Variants in NTM observed in about 807,000 individuals in gnomAD.
The protein encoded by NTM is neurotrimin, also known as IgLON family member 2.
In NTM, 13 loss-of-function variants were observed where a neutral mutation model predicts 42.1. That is an observed-to-expected ratio of 0.31 (90% CI 0.20 to 0.49). The LOEUF is 0.49. NTM is among the 20% of genes least tolerant of loss of function. NTM has a pLI of 0.99. For missense variants in NTM, 373 were observed against 452.8 expected, an observed-to-expected ratio of 0.82 and a Z score of 1.60; for synonymous variants, 187 against 179.2, an observed-to-expected ratio of 1.04 and a Z score of -0.35.
chr11:131,383,004 A>T (rs117075785), intron 1 of NTM, among the ~76,000 whole-genome samples: 270 of 152,212 alleles, frequency 1.8e-3, no homozygotes, highest in Admixed American at 2.0e-3. Flanking sequence ...GACCTTGCCT[A>T]TCCTTGCTCA....
intron 2 of NTM, among the ~76,000 whole-genome samples, chr11:132,085,178 A>C (rs539587231): frequency 4.6e-5 from 7 of 152,332 alleles, no homozygotes; most frequent in Non-Finnish European, 8.8e-5. Context: ...GTACATTTTC[A>C]TGCCTTCTTA....
chr11:132,198,115 A>C (rs1016563730), intron 3 of NTM, among the ~76,000 whole-genome samples: 2 of 152,226 alleles, frequency 1.3e-5, no homozygotes. Flanking sequence ...GATCCCACCA[A>C]CAGTGTAAAA....
At chr11:131,755,446 C>T (rs147605153) in intron 1 of NTM, among the ~76,000 whole-genome samples, 6 of 152,092 alleles carry the variant, frequency 3.9e-5, no homozygotes, top group Non-Finnish European at 7.4e-5. Context: ...ACAGATGGAC[C>T]GCATGCAGGG....
chr11:132,220,830 C>A (rs897698143), intron 4 of NTM, among the ~76,000 whole-genome samples: 1 of 152,184 alleles, frequency 6.6e-6, no homozygotes, highest in African/African-American at 2.4e-5. Context: ...CCCACAGAAG[C>A]CAACCAGCCA....
At chr11:132,225,708 A>G (rs2086104894) in intron 4 of NTM, among the ~76,000 whole-genome samples, 1 of 152,122 alleles carries the variant, frequency 6.6e-6, no homozygotes. Context: ...TACCTTTTTT[A>G]TTTAAATTTA....
intron 7 of NTM, among the ~76,000 whole-genome samples, chr11:132,328,180 G>C (rs1340823387): frequency 6.6e-6 from 1 of 152,122 alleles, no homozygotes; most frequent in Non-Finnish European, 1.5e-5. Context: ...CCAAAGCAAG[G>C]GGGGTGGACT....
chr11:131,828,975 CCTCT>C (rs968312954), intron 1 of NTM, among the ~76,000 whole-genome samples: 3 of 149,170 alleles, frequency 2.0e-5, no homozygotes, highest in Admixed American at 6.7e-5. Context: ...CATCACTCTC[CCTCT>C]CTCTCTCTCT....
chr11:131,669,915 A>G (rs965228564), intron 1 of NTM, among the ~76,000 whole-genome samples: 4 of 152,174 alleles, frequency 2.6e-5, no homozygotes, highest in Admixed American at 2.0e-4. Flanking sequence ...CGGATAAGTC[A>G]TTTGCTGAAG....
chr11:131,674,493 T>G (rs535005866), intron 1 of NTM, among the ~76,000 whole-genome samples: 4 of 152,218 alleles, frequency 2.6e-5, no homozygotes, highest in Admixed American at 6.5e-5. Context: ...GCTGGGATGC[T>G]CTGGCCTTGA....
At chr11:132,297,702 C>T (rs906182018) in intron 4 of NTM, among the ~76,000 whole-genome samples, 4 of 152,078 alleles carry the variant, frequency 2.6e-5, no homozygotes, top group Admixed American at 1.3e-4. Context: ...TACATTTTTG[C>T]GGGCTTTTTC....
chr11:131,515,818 C>T (rs2048826642), intron 1 of NTM, among the ~76,000 whole-genome samples: 1 of 152,148 alleles, frequency 6.6e-6, no homozygotes, highest in Non-Finnish European at 1.5e-5. Flanking sequence ...ACAAAGCTTC[C>T]TGTGGATGCC....
chr11:131,863,261 C>A (rs2046827997), intron 1 of NTM, among the ~76,000 whole-genome samples: 1 of 152,202 alleles, frequency 6.6e-6, no homozygotes, highest in Admixed American at 6.5e-5. Flanking sequence ...CTGTCTCTGG[C>A]ACCCTGATGG....
At chr11:131,850,463 C>T (rs1404478021) in intron 1 of NTM, among the ~76,000 whole-genome samples, 3 of 152,158 alleles carry the variant, frequency 2.0e-5, no homozygotes, top group South Asian at 4.1e-4. Flanking sequence ...CTGCAGAATA[C>T]ACATGTCTAC....
intron 1 of NTM, among the ~76,000 whole-genome samples, chr11:131,735,858 G>GTA (rs1235663757): frequency 2.6e-5 from 4 of 151,804 alleles, no homozygotes; most frequent in Non-Finnish European, 4.4e-5. Context: ...GTGTGTGTGT[G>GTA]TGTGTGTGTG....
chr11:131,568,336 A>G (rs1009480675), intron 1 of NTM, among the ~76,000 whole-genome samples: 1 of 152,188 alleles, frequency 6.6e-6, no homozygotes, highest in South Asian at 2.1e-4. Context: ...CAGAGAAAGA[A>G]ACTCACTGAC....
At chr11:131,514,041 T>C (rs1284364877) in intron 1 of NTM, among the ~76,000 whole-genome samples, 2 of 152,148 alleles carry the variant, frequency 1.3e-5, no homozygotes, top group Non-Finnish European at 2.9e-5. Flanking sequence ...GGAGAAATTA[T>C]TATTAATGAT....
intron 1 of NTM, among the ~76,000 whole-genome samples, chr11:131,774,947 T>C (rs1445384246): frequency 6.6e-6 from 1 of 152,174 alleles, no homozygotes; most frequent in African/African-American, 2.4e-5. Flanking sequence ...TTCCCTGCAG[T>C]GGTTTCCCTA....
intron 3 of NTM, among the ~76,000 whole-genome samples, chr11:132,156,975 G>A (rs1270212758): frequency 1.3e-5 from 2 of 152,180 alleles, no homozygotes; most frequent in African/African-American, 4.8e-5. Flanking sequence ...ACAGTGATGT[G>A]GCCACAAGCC....
intron 2 of NTM, among the ~76,000 whole-genome samples, chr11:132,070,728 C>T (rs1190506396): frequency 6.9e-6 from 1 of 143,980 alleles, no homozygotes; most frequent in Non-Finnish European, 1.5e-5. Flanking sequence ...GTCACACAGC[C>T]AAGTTAACAC....
Sources: gnomAD v4.1 joint callset for allele counts (sites outside exome capture counted in the v4.1 genomes callset) on GRCh38, gnomAD v4.1.1 for gene constraint, MANE v1.5 for transcripts, NCBI Gene and HGNC (gene_info 2026-07-23, HGNC 2026-07-21) for gene names.